HYAL4: variants seen among roughly 807,000 people sequenced by gnomAD.
HYAL4 encodes hyaluronidase 4.
HYAL4 carries 37 observed loss-of-function variants against 35.2 expected under a neutral mutation model. That is an observed-to-expected ratio of 1.05 (90% confidence interval 0.81 to 1.38). HYAL4 has a LOEUF of 1.38. Ranked by LOEUF, HYAL4 falls within the 40% of genes most tolerant of loss-of-function variation. HYAL4 has a pLI of 0.00. For missense variants in HYAL4, 572 were observed against 572.4 expected (o/e 1.00, Z 0.01); for synonymous variants, 198 against 203.2 (o/e 0.97, Z 0.22).
the HYAL4 span, among the ~76,000 whole-genome samples, chr7:123,812,973 A>C: frequency 1.3e-5 from 2 of 152,176 alleles, no homozygotes; most frequent in Admixed American, 1.3e-4. Flanking sequence ...TATTTAAAAG[A>C]GTAAATTATC....
chr7:123,855,741 G>A (rs1227761568), intron 2 of HYAL4, among the ~76,000 whole-genome samples: 1 of 152,010 alleles, frequency 6.6e-6, no homozygotes. Flanking sequence ...TTGAATGTTG[G>A]CCTGCCTTGC....
At chr7:123,786,196 G>T in the HYAL4 span, among the ~76,000 whole-genome samples, 2 of 152,152 alleles carry the variant, frequency 1.3e-5, no homozygotes, top group Non-Finnish European at 2.9e-5. Context: ...TTAAGCAGAA[G>T]TCAATCAGTA....
At chr7:123,807,884 A>T in the HYAL4 span, among the ~76,000 whole-genome samples, 2 of 149,692 alleles carry the variant, frequency 1.3e-5, no homozygotes, top group African/African-American at 2.5e-5. Context: ...AGTGCATGCC[A>T]CCACATCCAG....
At chr7:123,799,187 G>A in the HYAL4 span, among the ~76,000 whole-genome samples, 1 of 151,512 alleles carries the variant, frequency 6.6e-6, no homozygotes, top group South Asian at 2.1e-4. Context: ...ATTTCTCTCT[G>A]ACGGATTCAC....
chr7:123,850,764 G>A (rs910185938), intron 2 of HYAL4, among the ~76,000 whole-genome samples: 1 of 152,160 alleles, frequency 6.6e-6, no homozygotes, highest in Non-Finnish European at 1.5e-5. Flanking sequence ...TTGGGTGGTT[G>A]AAGAACTGGC....
chr7:123,787,107 CAAAAAAAAAAAAA>C, the HYAL4 span, among the ~76,000 whole-genome samples: 1 of 49,148 alleles, frequency 2.0e-5, no homozygotes, highest in Non-Finnish European at 4.9e-5. Context: ...AACTCTGTCT[CAAAAAAAAAAAAA>C]AAAAAAAGAA....
the HYAL4 span, among the ~76,000 whole-genome samples, chr7:123,799,231 T>C: frequency 6.6e-6 from 1 of 152,150 alleles, no homozygotes; most frequent in Non-Finnish European, 1.5e-5. Flanking sequence ...CTTCTCCTTA[T>C]GTAAAGACAT....
rs1056062714 is a variant in HYAL4, at chr7:123,872,457, G to A, written c.955-2304G>A. On this transcript the variant is annotated intron_variant, in intron 3 of 4. Transcript: ENST00000223026. ...TGCTCCAGCTCCCCACAGTGGGCAC[G>A]TTGCTTACATGCACTTTGATAAGCG... 1.2e-4 allele frequency among the ~76,000 whole-genome samples: 18 copies of A among 152,280 alleles called. No individual in the cohort carries two copies. The East Asian group carries it at 1.9e-3, about 16-fold the overall frequency.
At chr7:123,790,287 T>C in the HYAL4 span, among the ~76,000 whole-genome samples, 2 of 152,206 alleles carry the variant, frequency 1.3e-5, no homozygotes, top group Non-Finnish European at 2.9e-5. Context: ...TATATAATCA[T>C]TAAAAATCCT....
Position 123,877,049 on chromosome 7 carries a change from G to A in HYAL4, c.1340G>A (p.Arg447Lys). Residue 447 changes from arginine (R) to lysine (K), a missense_variant, in exon 5 of 5, where the codon AGA becomes AAA. Arg to Lys is a conservative substitution (Grantham distance 26, BLOSUM62 2). Coordinates refer to ENST00000223026, the MANE Select transcript of HYAL4 (RefSeq NM_012269.3). ...CAGGGATATGAAGGAGCTGATTGCA[G>A]AGAAATAAAGACGGCTGATGGCTGC... ...CYQGYEGADCREIKTADGCSG... is the reference protein window; with the variant it reads ...CYQGYEGADCKEIKTADGCSG... 1 of 1,614,204 alleles carries A rather than the reference G, an allele frequency of 6.2e-7. No homozygotes were observed. The highest frequency in any genetic ancestry group is 1.1e-5 in the South Asian group (1 of 91,086).
upstream of HYAL4, among the ~76,000 whole-genome samples, chr7:123,824,554 C>T (rs1449461221): frequency 6.6e-6 from 1 of 151,968 alleles, no homozygotes; most frequent in African/African-American, 2.4e-5. Context: ...ACAGGAAACC[C>T]CCTTCTCCCC....
upstream of HYAL4, among the ~76,000 whole-genome samples, chr7:123,840,164 T>C (rs1419267573): frequency 6.6e-6 from 1 of 152,212 alleles, no homozygotes; most frequent in Non-Finnish European, 1.5e-5. Flanking sequence ...AATTTTTGTA[T>C]AAGGTATAAG....
At chr7:123,768,227 A>T in the HYAL4 span, among the ~76,000 whole-genome samples, 1 of 152,240 alleles carries the variant, frequency 6.6e-6, no homozygotes, top group Non-Finnish European at 1.5e-5. Context: ...TAACCTCAGT[A>T]AAAATAAATA....
chr7:123,864,849 A>T (rs1806650342), intron 2 of HYAL4, among the ~76,000 whole-genome samples: 1 of 151,608 alleles, frequency 6.6e-6, no homozygotes, highest in Non-Finnish European at 1.5e-5. Context: ...CAGTGCCCTG[A>T]CCTGGCTGTA....
At chr7:123,776,669 T>C in the HYAL4 span, among the ~76,000 whole-genome samples, 1 of 152,160 alleles carries the variant, frequency 6.6e-6, no homozygotes, top group East Asian at 1.9e-4. Flanking sequence ...TCCTCCCACG[T>C]TGGCCTCCCA....
intron 3 of HYAL4, among the ~76,000 whole-genome samples, chr7:123,873,045 CTATA>C (rs1806922771): frequency 6.6e-6 from 1 of 152,138 alleles, no homozygotes; most frequent in Non-Finnish European, 1.5e-5. Context: ...TACCATGTGA[CTATA>C]TGACACCATT....
chr7:123,795,250 T>C, the HYAL4 span, among the ~76,000 whole-genome samples: 304 of 152,358 alleles, frequency 2.0e-3, 1 homozygote, highest in African/African-American at 4.4e-3. Context: ...TTACAGGCTC[T>C]TAAGCAGAAG....
chr7:123,825,235 A>G (rs1211488382), upstream of HYAL4, among the ~76,000 whole-genome samples: 1 of 152,124 alleles, frequency 6.6e-6, no homozygotes, highest in Non-Finnish European at 1.5e-5. Context: ...TAAATGGTGT[A>G]ACAGGTTTCC....
the HYAL4 span, among the ~76,000 whole-genome samples, chr7:123,799,465 A>G: frequency 1.3e-5 from 2 of 150,564 alleles, no homozygotes; most frequent in Non-Finnish European, 3.0e-5. Flanking sequence ...TAAATTATAA[A>G]TTTATAATTT....
Sources: allele counts gnomAD v4.1 joint callset (sites outside exome capture counted in the v4.1 genomes callset), GRCh38; gene constraint gnomAD v4.1.1; transcripts MANE v1.5; gene names NCBI Gene and HGNC (gene_info 2026-07-23, HGNC 2026-07-21).